The following DPF3 variants were observed in gnomAD, a reference collection of about 807,000 sequenced individuals.
DPF3 encodes the protein double PHD fingers 3.
A neutral mutation model predicts 56.8 loss-of-function variants in DPF3; 18 were observed. The observed-to-expected ratio is 0.32, with a 90% CI of 0.22 to 0.47. DPF3 has a LOEUF of 0.47. Ranked by LOEUF, DPF3 falls within the 20% of genes least tolerant of loss-of-function variation. The pLI, the probability that DPF3 is intolerant of heterozygous loss-of-function variation, is 1.00. For synonymous variants in DPF3, 188 were observed against 180.2 expected (o/e 1.04, Z -0.35); for missense variants, 403 against 488.8 (o/e 0.82, Z 1.65).
chr14:72,663,541 C>T (rs1599336334), intron 8 of DPF3, among the ~76,000 whole-genome samples: 1 of 152,176 alleles, frequency 6.6e-6, no homozygotes, highest in East Asian at 1.9e-4. Flanking sequence ...CAGGTGGGCC[C>T]TTTTGCCTGG....
At chr14:72,767,907 G>A (rs542565117) in intron 2 of DPF3, among the ~76,000 whole-genome samples, 1 of 151,910 alleles carries the variant, frequency 6.6e-6, no homozygotes, top group Admixed American at 6.6e-5. Context: ...AAAACAATGA[G>A]AGAGAAATGA....
rs1884250271 is a variant in DPF3, at chr14:72,618,928, C to A, written c.*369G>T. On this transcript the variant is annotated 3_prime_UTR_variant, in exon 11 of 11. Transcript: ENST00000556509. ...TCTTGGAACACAATAGATAAAAAAA[C>A]ACCACACTACACACAAGTAATGGAT... is the stretch of plus-strand genomic sequence containing the variant. Among the ~76,000 whole-genome samples the A allele has an allele frequency of 6.6e-6, 1 of 152,192 alleles. No homozygotes were observed. Among genetic ancestry groups the A allele is most frequent in the South Asian group, 2.1e-4 (1 of 4,824 alleles).
At chr14:72,799,119 G>A (rs186604968) in intron 1 of DPF3, among the ~76,000 whole-genome samples, 4 of 152,258 alleles carry the variant, frequency 2.6e-5, no homozygotes, top group Admixed American at 2.6e-4. Flanking sequence ...TGAATGGATG[G>A]GCAACACTGG....
At position 72,617,781 on chromosome 14, in the gene DPF3, G is replaced by A. The variant is rs1042498302; in HGVS notation, c.*1516C>T. 4.6e-5 allele frequency among the ~76,000 whole-genome samples: 7 copies of A among 152,302 alleles called. No homozygotes were observed. The South Asian group carries it at 8.3e-4, about 18-fold the overall frequency. Reference sequence around the variant, plus strand: ...TGGCCCAACTAGCCCGAGTCTCCGGGAGCGTCCTCAGGAGCTGAAGAACTA... The same window carrying A: ...TGGCCCAACTAGCCCGAGTCTCCGGAAGCGTCCTCAGGAGCTGAAGAACTA... On this transcript the variant is annotated 3_prime_UTR_variant, in exon 11 of 11. Transcript: ENST00000556509.
chr14:72,673,107 T>TA (rs1886763720), intron 8 of DPF3, among the ~76,000 whole-genome samples: 1 of 152,150 alleles, frequency 6.6e-6, no homozygotes, highest in South Asian at 2.1e-4. Context: ...ACAGTCCTTT[T>TA]AAAATTACTG....
chr14:72,635,629 T>C (rs762286712), intron 8 of DPF3, among the ~76,000 whole-genome samples: 1 of 152,228 alleles, frequency 6.6e-6, no homozygotes, highest in African/African-American at 2.4e-5. Context: ...GACATTATGA[T>C]TGCAACTTAA....
chr14:72,870,548 C>T (rs1885857485), intron 1 of DPF3, among the ~76,000 whole-genome samples: 2 of 152,282 alleles, frequency 1.3e-5, no homozygotes, highest in South Asian at 4.1e-4. Context: ...ACAAAGCATG[C>T]CATAGATAAA....
At chr14:72,853,176 G>A (rs187066278) in intron 1 of DPF3, 1 of 150,990 alleles carries the variant, frequency 6.6e-6, no homozygotes, top group African/African-American at 2.4e-5. Context: ...CTTGTTTTAT[G>A]TTCTTTACTG....
chr14:72,884,038 ACTT>A lies in DPF3; in HGVS notation c.32+10016_32+10018del, dbSNP rs1264928535. Among the ~76,000 whole-genome samples the A allele has an allele frequency of 9.9e-5, 15 of 152,062 alleles. No individual in the cohort carries two copies. The South Asian group carries it at 1.0e-3, about 11-fold the overall frequency. ...AGATCTAAGCCCCTGCCCCGCCTCC[ACTT>A]CTTCTCTCTCCCTCAGTCATCTCAG... On this transcript the variant is annotated intron_variant, in intron 1 of 10. Transcript: ENST00000556509.
At chr14:72,803,399 G>C (rs1390823240) in intron 1 of DPF3, among the ~76,000 whole-genome samples, 1 of 152,226 alleles carries the variant, frequency 6.6e-6, no homozygotes, top group Non-Finnish European at 1.5e-5. Flanking sequence ...GAAGAGTCTG[G>C]GGAGAGGGAG....
chr14:72,762,596 T>C (rs1891113446), intron 2 of DPF3, among the ~76,000 whole-genome samples: 1 of 151,202 alleles, frequency 6.6e-6, no homozygotes, highest in East Asian at 1.9e-4. Context: ...GCATCCTCAA[T>C]CTGATAAAGA....
intron 7 of DPF3, among the ~76,000 whole-genome samples, chr14:72,689,681 G>T (rs1010700616): frequency 2.6e-5 from 4 of 152,176 alleles, no homozygotes; most frequent in African/African-American, 9.7e-5. Context: ...TAGTCGGGGG[G>T]CTGCTCACCA....
At chr14:72,893,720 C>A (rs1266945631) in intron 1 of DPF3, among the ~76,000 whole-genome samples, 1 of 149,958 alleles carries the variant, frequency 6.7e-6, no homozygotes, top group Non-Finnish European at 1.5e-5. Flanking sequence ...GCGGGGGACT[C>A]CGGGGACCGC....
At chr14:72,685,615 T>C (rs117299994) in intron 7 of DPF3, among the ~76,000 whole-genome samples, 3,154 of 152,336 alleles carry the variant, frequency 0.021, 118 homozygotes, top group Admixed American at 0.1. Flanking sequence ...TGACCATGGA[T>C]ACATGACTTG....
In DPF3 at chr14:72,859,480, C is replaced by A. The variant is rs796373964; in HGVS notation, c.32+34577G>T. On this transcript the variant is annotated intron_variant, in intron 1 of 10. Transcript: ENST00000556509. ...TCTCTGCAGCTTCCTCCCCCCCCCCCCCCACACCATTCCCCCCTAACCTTC... is the reference window on the plus strand; with the variant it reads ...TCTCTGCAGCTTCCTCCCCCCCCCCACCCACACCATTCCCCCCTAACCTTC... Among the ~76,000 whole-genome samples, 75 of 100,490 alleles carry A rather than the reference C, an allele frequency of 7.5e-4. 1 individual carries two copies. The highest frequency in any genetic ancestry group is 1.1e-3 in the African/African-American group (31 of 27,076). 65.9% of individuals were successfully genotyped at this position (100,490 alleles called of 152,430 possible).
At chr14:72,851,738 G>A (rs1396750723) in intron 1 of DPF3, among the ~76,000 whole-genome samples, 1 of 152,222 alleles carries the variant, frequency 6.6e-6, no homozygotes, top group East Asian at 1.9e-4. Flanking sequence ...AGTGAAAAAT[G>A]TACAATGTAC....
intron 1 of DPF3, among the ~76,000 whole-genome samples, chr14:72,803,315 T>C (rs1458967141): frequency 2.0e-5 from 3 of 152,184 alleles, no homozygotes; most frequent in Non-Finnish European, 4.4e-5. Flanking sequence ...CAGACGCCAA[T>C]GGTTCTTAGT....
At chr14:72,867,904 A>AT (rs904905919) in intron 1 of DPF3, among the ~76,000 whole-genome samples, 2 of 151,416 alleles carry the variant, frequency 1.3e-5, no homozygotes, top group Non-Finnish European at 2.9e-5. Flanking sequence ...ATGCCTGGCT[A>AT]TTTTTTTGTA....
chr14:72,875,386 A>G (rs747758334), intron 1 of DPF3, among the ~76,000 whole-genome samples: 2 of 152,176 alleles, frequency 1.3e-5, no homozygotes, highest in Non-Finnish European at 2.9e-5. Flanking sequence ...CAGCCTGGGC[A>G]ACAGGGCAAG....
Sources: allele counts gnomAD v4.1 joint callset (sites outside exome capture counted in the v4.1 genomes callset), GRCh38; gene constraint gnomAD v4.1.1; transcripts MANE v1.5; gene names NCBI Gene and HGNC (gene_info 2026-07-23, HGNC 2026-07-21).